OLFML2A: variants seen among roughly 807,000 people sequenced by gnomAD.
OLFML2A encodes the protein olfactomedin-like protein 2A.
A neutral mutation model predicts 60.9 loss-of-function variants in OLFML2A; 47 were observed. That is an observed-to-expected ratio of 0.77 (90% CI 0.61 to 0.98). The LOEUF (loss-of-function observed/expected upper bound fraction) is 0.98, where lower values mean the gene tolerates loss of function less well. Ranked by LOEUF, OLFML2A falls within the 50% of genes least tolerant of loss-of-function variation. The pLI is 0.00. For synonymous variants in OLFML2A, 372 were observed against 375.0 expected (o/e 0.99, Z 0.09); for missense variants, 922 against 879.8 (o/e 1.05, Z -0.61).
rs1266826761 is a variant in OLFML2A at position 124,813,862 on chromosome 9, T to G, written c.*3450T>G. On this transcript the variant is annotated 3_prime_UTR_variant, in exon 8 of 8. Transcript: ENST00000373580. ...ACCTGATCCCCAACAGCTTTTGAGG[T>G]TGTTTGTTTGTTTGTTTGTTTACCT... 3 of 151,082 alleles carry G rather than the reference T, an allele frequency of 2.0e-5. No individual in the cohort carries two copies. The highest frequency in any genetic ancestry group is 7.4e-5 in the African/African-American group (3 of 40,640). 9.4% of individuals were successfully genotyped at this position (151,082 alleles called of 1,614,324 possible).
intron 6 of OLFML2A, among the ~76,000 whole-genome samples, chr9:124,806,683 T>C (rs1841901725): frequency 6.6e-6 from 1 of 152,086 alleles, no homozygotes; most frequent in African/African-American, 2.4e-5. Flanking sequence ...TGCAATTGTG[T>C]GATCTTGGCT....
At chr9:124,791,399 C>T (rs1321398527) in intron 2 of OLFML2A, among the ~76,000 whole-genome samples, 1 of 152,114 alleles carries the variant, frequency 6.6e-6, no homozygotes, top group African/African-American at 2.4e-5. Context: ...CTCTCAAGAA[C>T]CAATAGTTTT....
At position 124,783,402 on chromosome 9, in the gene OLFML2A, G is replaced by A. The variant is rs541476712; in HGVS notation, c.91-3573G>A. ...TGGGAGGATCGCCTGATCCCAGGAGGTCAAGGTGTGATAAGGCCACTCCAC... is the reference window on the plus strand; with the variant it reads ...TGGGAGGATCGCCTGATCCCAGGAGATCAAGGTGTGATAAGGCCACTCCAC... On this transcript the variant is annotated intron_variant, in intron 1 of 7. Transcript: ENST00000373580. Among the ~76,000 whole-genome samples the A allele has an allele frequency of 5.9e-5, 9 of 152,234 alleles. No individual in the cohort carries two copies. The South Asian group carries it at 1.9e-3, about 32-fold the overall frequency.
chr9:124,801,105 G>A, intron 4 of OLFML2A: 2 of 1,519,432 alleles, frequency 1.3e-6, no homozygotes, highest in Non-Finnish European at 1.8e-6. Context: ...GCCTCCCAGG[G>A]AGCTGGTCCT....
At position 124,796,920 on chromosome 9, in the gene OLFML2A, A is replaced by G. The variant is rs183261959; in HGVS notation, c.462+1789A>G. ...GGACAGTCCCCAAAAGCAAACAGCT[A>G]TCTGGCAAATGTCAATAGTGATGAG... On this transcript the variant is annotated intron_variant, in intron 3 of 7. Coordinates refer to ENST00000373580, the MANE Select transcript of OLFML2A (RefSeq NM_182487.4). Among the ~76,000 whole-genome samples the G allele has an allele frequency of 6.3e-3, 959 of 152,394 alleles. 9 individuals carry two copies. Among genetic ancestry groups the G allele is most frequent in the Non-Finnish European group, 7.7e-3 (521 of 68,044 alleles).
At chr9:124,801,334 C>G in intron 4 of OLFML2A, 80 bp from the exon 5 acceptor site, 1 of 1,457,092 alleles carries the variant, frequency 6.9e-7, no homozygotes, top group Non-Finnish European at 9.5e-7. Flanking sequence ...CACCTCCAGT[C>G]CCCACATGCT....
intron 3 of OLFML2A, 43 bp downstream of exon 3, chr9:124,795,174 TG>T: frequency 3.2e-6 from 4 of 1,261,370 alleles, no homozygotes; most frequent in South Asian, 1.3e-5. Context: ...GCTCTGGTGC[TG>T]GGGGCCAAGG....
intron 2 of OLFML2A, among the ~76,000 whole-genome samples, chr9:124,791,946 C>T (rs568249949): frequency 1.3e-5 from 2 of 152,266 alleles, no homozygotes; most frequent in South Asian, 2.1e-4. Context: ...CAGCAGATCG[C>T]ACATTGAGTG....
intron 6 of OLFML2A, among the ~76,000 whole-genome samples, chr9:124,805,710 A>G (rs1183676742): frequency 1.3e-5 from 2 of 152,008 alleles, no homozygotes; most frequent in East Asian, 3.9e-4. Context: ...AGAGATCACC[A>G]CTAAAGAACT....
chr9:124,791,737 CAAAAAA>C (rs10553820), intron 2 of OLFML2A, among the ~76,000 whole-genome samples: 1 of 74,908 alleles, frequency 1.3e-5, no homozygotes, highest in East Asian at 3.6e-4. Flanking sequence ...GACTCTGTCT[CAAAAAA>C]AAAAAAAAAA....
At chr9:124,792,139 G>A (rs975793044) in intron 2 of OLFML2A, among the ~76,000 whole-genome samples, 5 of 152,196 alleles carry the variant, frequency 3.3e-5, no homozygotes, top group Non-Finnish European at 5.9e-5. Flanking sequence ...GAAAAGATCA[G>A]CACCCATCAT....
intron 2 of OLFML2A, among the ~76,000 whole-genome samples, chr9:124,788,378 C>CG (rs889230845): frequency 6.6e-6 from 1 of 151,850 alleles, no homozygotes; most frequent in African/African-American, 2.4e-5. Flanking sequence ...GAGACTGAGG[C>CG]GGGTGGATCA....
At chr9:124,791,737 CAAAAAAAAAAA>C (rs10553820) in intron 2 of OLFML2A, among the ~76,000 whole-genome samples, 3 of 74,908 alleles carry the variant, frequency 4.0e-5, no homozygotes, top group Non-Finnish European at 7.7e-5. Context: ...GACTCTGTCT[CAAAAAAAAAAA>C]AAAAAAAAAA....
chr9:124,791,614 T>A (rs1841569010), intron 2 of OLFML2A, among the ~76,000 whole-genome samples: 1 of 151,502 alleles, frequency 6.6e-6, no homozygotes, highest in African/African-American at 2.4e-5. Context: ...GGCGGGCACC[T>A]ATAATCCCAG....
At chr9:124,808,694 G>T (rs1314336150) in intron 7 of OLFML2A, among the ~76,000 whole-genome samples, 2 of 152,108 alleles carry the variant, frequency 1.3e-5, no homozygotes, top group African/African-American at 4.8e-5. Context: ...GGAAGGGAGA[G>T]GGAAGGGTGT....
chr9:124,797,219 G>A (rs974119428), intron 3 of OLFML2A, among the ~76,000 whole-genome samples: 3 of 152,312 alleles, frequency 2.0e-5, no homozygotes, highest in African/African-American at 7.2e-5. Flanking sequence ...GGGCTCAAGC[G>A]ATCCTCCTGC....
intron 1 of OLFML2A, among the ~76,000 whole-genome samples, chr9:124,784,630 A>G (rs968985517): frequency 6.6e-6 from 1 of 152,228 alleles, no homozygotes; most frequent in African/African-American, 2.4e-5. Context: ...TATACACTTC[A>G]GTGGCATTTG....
At chr9:124,787,322 C>G in intron 2 of OLFML2A, 84 bp downstream of exon 2, 3 of 1,327,562 alleles carry the variant, frequency 2.3e-6, no homozygotes, top group Non-Finnish European at 2.1e-6. Context: ...TCCACACACT[C>G]TGTGAGGCGA....
chr9:124,807,570 A>G (rs1841921228), intron 6 of OLFML2A, among the ~76,000 whole-genome samples: 1 of 152,190 alleles, frequency 6.6e-6, no homozygotes, highest in Non-Finnish European at 1.5e-5. Flanking sequence ...GGCGTCAGCC[A>G]TTGCGCCTGG....
Sources: allele counts gnomAD v4.1 joint callset (sites outside exome capture counted in the v4.1 genomes callset), GRCh38; gene constraint gnomAD v4.1.1; transcripts MANE v1.5; gene names NCBI Gene and HGNC (gene_info 2026-07-23, HGNC 2026-07-21).